The following KCTD1 variants were observed in gnomAD, a reference collection of about 807,000 sequenced individuals.
KCTD1 encodes potassium channel tetramerization domain containing 1.
Under a neutral mutation model 66.0 loss-of-function variants are expected in KCTD1, and 24 were observed. The ratio of observed to expected loss-of-function variants is 0.36; its 90% CI spans 0.26 to 0.51. The LOEUF (loss-of-function observed/expected upper bound fraction) is 0.51, where lower values mean the gene tolerates loss of function less well. Ranked by LOEUF, KCTD1 falls within the 20% of genes least tolerant of loss-of-function variation. KCTD1 has a pLI of 0.95. For missense variants in KCTD1, 943 were observed against 1,205.2 expected (o/e 0.78, Z 3.22); for synonymous variants, 511 against 517.2 (o/e 0.99, Z 0.16).
intron 2 of KCTD1, among the ~76,000 whole-genome samples, chr18:26,480,040 A>AT (rs199551482): frequency 0.096 from 13,360 of 139,526 alleles, 1,221 homozygotes; most frequent in African/African-American, 0.24. Flanking sequence ...TGGTTTTGGA[A>AT]TTTTTTTTTT....
intron 1 of KCTD1, among the ~76,000 whole-genome samples, chr18:26,572,480 C>A (rs1393633828): frequency 6.6e-6 from 1 of 152,134 alleles, no homozygotes; most frequent in African/African-American, 2.4e-5. Flanking sequence ...GTAACAAGTT[C>A]TTTTTATTGG....
intron 3 of KCTD1, among the ~76,000 whole-genome samples, chr18:26,470,265 C>G (rs887872985): frequency 8.8e-6 from 1 of 113,480 alleles, no homozygotes; most frequent in African/African-American, 3.4e-5. Context: ...ACTACAGAGG[C>G]TAAAAATAAG....
At chr18:26,584,180 C>A (rs1042077643) in intron 1 of KCTD1, among the ~76,000 whole-genome samples, 1 of 152,080 alleles carries the variant, frequency 6.6e-6, no homozygotes, top group Non-Finnish European at 1.5e-5. Context: ...CTGGCAATAC[C>A]CGGAACAGAT....
chr18:26,508,262 A>C (rs1983150670), intron 1 of KCTD1, among the ~76,000 whole-genome samples: 1 of 152,054 alleles, frequency 6.6e-6, no homozygotes, highest in Admixed American at 6.6e-5. Flanking sequence ...GCTGCTTCCC[A>C]TAGCTTCATC....
intron 1 of KCTD1, among the ~76,000 whole-genome samples, chr18:26,652,706 C>T (rs982071864): frequency 1.3e-5 from 2 of 152,152 alleles, no homozygotes; most frequent in African/African-American, 4.8e-5. Context: ...ACACTGTAGG[C>T]ACTCCAGACC....
intron 1 of KCTD1, among the ~76,000 whole-genome samples, chr18:26,656,753 C>A (rs1039290227): frequency 2.0e-5 from 3 of 151,134 alleles, no homozygotes; most frequent in Admixed American, 1.3e-4. Context: ...CAGCCCCGGG[C>A]GCCGCCGCCC....
chr18:26,634,777 A>G (rs1281389945), intron 1 of KCTD1, among the ~76,000 whole-genome samples: 2 of 152,208 alleles, frequency 1.3e-5, no homozygotes, highest in Non-Finnish European at 2.9e-5. Flanking sequence ...TACGGAGAAG[A>G]AACTAAAGCA....
At chr18:26,616,881 G>A (rs571790065) in intron 1 of KCTD1, among the ~76,000 whole-genome samples, 1 of 152,276 alleles carries the variant, frequency 6.6e-6, no homozygotes, top group East Asian at 1.9e-4. Context: ...GTGATGGACA[G>A]AGACCTTGCC....
chr18:26,555,576 A>G (rs1455782900), intron 1 of KCTD1, among the ~76,000 whole-genome samples: 1 of 152,204 alleles, frequency 6.6e-6, no homozygotes, highest in East Asian at 1.9e-4. Context: ...CTTTACTTGT[A>G]GTTTGGTAAA....
intron 1 of KCTD1, among the ~76,000 whole-genome samples, chr18:26,614,697 A>G (rs2438417): frequency 0.88 from 133,896 of 152,258 alleles, 58,958 homozygotes; most frequent in East Asian, 0.95. Flanking sequence ...TCTTAAAGGA[A>G]TTAAGTGGGT....
At chr18:26,652,406 T>A (rs1255172924) in intron 1 of KCTD1, among the ~76,000 whole-genome samples, 1 of 152,136 alleles carries the variant, frequency 6.6e-6, no homozygotes, top group Non-Finnish European at 1.5e-5. Context: ...ATATTCAAAG[T>A]GTCTTCAGTT....
chr18:26,601,523 G>C (rs993327544), intron 1 of KCTD1, among the ~76,000 whole-genome samples: 2 of 151,954 alleles, frequency 1.3e-5, no homozygotes, highest in African/African-American at 4.8e-5. Flanking sequence ...TTCCAACTTT[G>C]TTCTTCCTTT....
At chr18:26,603,428 G>GT (rs1457560046) in intron 1 of KCTD1, among the ~76,000 whole-genome samples, 2 of 102,944 alleles carry the variant, frequency 1.9e-5, no homozygotes, top group African/African-American at 7.8e-5. Context: ...GTGAGACCCT[G>GT]TTAAAAAAAA....
Position 26,455,889 on chromosome 18 carries a change from A to G in KCTD1, c.2452T>C (p.Leu818=). The G allele has an allele frequency of 1.9e-6, 3 of 1,613,610 alleles. No individual in the cohort carries two copies. In the East Asian group the frequency reaches 6.7e-5, roughly 36 times the overall value. ...ACGATTTCAAATCCTCTTTGCTGCA[A>G]CCTCTCGAGGACCTGCGAGGGAACA... ...HLNSVQVLER[L]QQRGFEIVGS... is the part of the protein sequence containing the mutation. The change falls in exon 5 of 5, where the codon TTG becomes CTG. Residue 818 remains leucine (L), a synonymous_variant. Coordinates refer to ENST00000580059, the MANE Select transcript of KCTD1 (RefSeq NM_001142730.3).
rs576765098 is a variant in KCTD1, at chr18:26,547,541, G to A, written c.996C>T (p.Asp332=). 3.2e-6 allele frequency: 5 copies of A among 1,551,662 alleles called. No homozygotes were observed. The South Asian group carries it at 5.9e-5, about 18-fold the overall frequency. The part of the protein sequence containing the change: ...GRENQRELEE[D]SFGLAMDEDG... ...CCTCGTCCATGGCCAGCCCAAAAGA[G>A]TCCTCCTCCAACTCACGCTGGTTCT... Residue 332 remains aspartate, a synonymous_variant, in exon 1 of 5, where the codon GAC becomes GAT. Coordinates refer to ENST00000580059, the MANE Select transcript of KCTD1 (RefSeq NM_001142730.3).
At chr18:26,528,844 G>A (rs920844180) in intron 1 of KCTD1, among the ~76,000 whole-genome samples, 1 of 152,206 alleles carries the variant, frequency 6.6e-6, no homozygotes, top group Non-Finnish European at 1.5e-5. Context: ...CCGGCCACTT[G>A]TAGTTCTATG....
intron 1 of KCTD1, among the ~76,000 whole-genome samples, chr18:26,574,559 T>A (rs1986181585): frequency 6.6e-6 from 1 of 152,230 alleles, no homozygotes; most frequent in Non-Finnish European, 1.5e-5. Context: ...ATCTGTTGAA[T>A]TGAATTTGTC....
At chr18:26,637,481 G>A (rs1408946293) in intron 1 of KCTD1, among the ~76,000 whole-genome samples, 1 of 152,198 alleles carries the variant, frequency 6.6e-6, no homozygotes, top group Admixed American at 6.5e-5. Flanking sequence ...ATGTGTTAAG[G>A]CTTCTATTAT....
intron 1 of KCTD1, among the ~76,000 whole-genome samples, chr18:26,555,483 G>A (rs564484662): frequency 1.3e-5 from 2 of 152,274 alleles, no homozygotes; most frequent in Admixed American, 1.3e-4. Context: ...CAATTATTAG[G>A]CAACGTCTTC....
Sources: gnomAD v4.1 joint callset for allele counts (sites outside exome capture counted in the v4.1 genomes callset) on GRCh38, gnomAD v4.1.1 for gene constraint, MANE v1.5 for transcripts, NCBI Gene and HGNC (gene_info 2026-07-23, HGNC 2026-07-21) for gene names.